DNAAF9: variants seen among roughly 807,000 people sequenced by gnomAD.
DNAAF9 encodes shulin.
A neutral mutation model predicts 167.0 loss-of-function variants in DNAAF9; 90 were observed. The ratio of observed to expected loss-of-function variants is 0.54; its 90% CI spans 0.45 to 0.64. The LOEUF (loss-of-function observed/expected upper bound fraction) is 0.64. Among genes scored for constraint, DNAAF9 ranks in the 30% least tolerant of loss-of-function variants. The pLI, the probability that DNAAF9 is intolerant of heterozygous loss-of-function variation, is 0.00. For missense variants in DNAAF9, 1,315 were observed against 1,442.2 expected (o/e 0.91, Z 1.43); for synonymous variants, 491 against 508.8 (o/e 0.96, Z 0.47).
chr20:3,299,971 C>T (rs1374311965), intron 21 of DNAAF9, among the ~76,000 whole-genome samples: 3 of 152,262 alleles, frequency 2.0e-5, no homozygotes, highest in South Asian at 2.1e-4. Context: ...AGCACAATCT[C>T]GGCTCACTGC....
intron 20 of DNAAF9, 143 bp from the exon 21 acceptor site, chr20:3,304,686 C>A: frequency 1.7e-6 from 1 of 594,072 alleles, no homozygotes; most frequent in Admixed American, 3.4e-5. Flanking sequence ...GAGCCCTGTG[C>A]TCTGAGGAAG....
intron 22 of DNAAF9, among the ~76,000 whole-genome samples, chr20:3,297,316 C>G (rs185275184): frequency 6.6e-6 from 1 of 152,058 alleles, no homozygotes; most frequent in Non-Finnish European, 1.5e-5. Flanking sequence ...CCTAAAGAGC[C>G]GTCTTTATTT....
rs397865293 is a variant in DNAAF9, at chr20:3,298,907, C to CTTTT, written c.1783-736_1783-733dup. Among the ~76,000 whole-genome samples, 70 of 119,546 alleles carry CTTTT rather than the reference C, an allele frequency of 5.9e-4. 1 individual carries two copies. The highest frequency in any genetic ancestry group is 1.7e-3 in the East Asian group (7 of 4,170). 78.4% of individuals were successfully genotyped at this position (119,546 alleles called of 152,430 possible). A position where few individuals can be genotyped will look rare whatever the true frequency, so the allele number is the denominator to read the frequency against. ...TTCAAAGAGTTTTATTGTTTTAGCTCTTTTTTTTTTTTTTTTTTTGAGATG... is the reference window on the plus strand; with the variant it reads ...TTCAAAGAGTTTTATTGTTTTAGCTCTTTTTTTTTTTTTTTTTTTTTTTGAGATG... On this transcript the variant is annotated intron_variant, in intron 21 of 36. Transcript: ENST00000252032.
chr20:3,256,272 A>G, intron 33 of DNAAF9, 61 bp from the exon 34 acceptor site: 5 of 1,169,242 alleles, frequency 4.3e-6, no homozygotes, highest in Non-Finnish European at 5.1e-6. Flanking sequence ...AGCTATGCTA[A>G]GACTGTGACA....
At chr20:3,347,637 T>G (rs1214118506) in intron 8 of DNAAF9, among the ~76,000 whole-genome samples, 1 of 152,096 alleles carries the variant, frequency 6.6e-6, no homozygotes, top group Non-Finnish European at 1.5e-5. Context: ...TTATAAAATA[T>G]GTAAAGGTAG....
chr20:3,252,184 C>T lies in DNAAF9; in HGVS notation c.*388G>A, dbSNP rs144908176. On this transcript the variant is annotated 3_prime_UTR_variant, in exon 37 of 37. Coordinates refer to ENST00000252032, the MANE Select transcript of DNAAF9 (RefSeq NM_001009984.3). ...CTGTCGTGGCCTCGCCTCCCAGACACGGCCACAGTTCAGGCAGCCAGGGTT... is the reference window on the plus strand; with the variant it reads ...CTGTCGTGGCCTCGCCTCCCAGACATGGCCACAGTTCAGGCAGCCAGGGTT... The T allele has an allele frequency of 2.3e-3, 361 of 159,100 alleles. 1 individual carries two copies. The highest frequency in any genetic ancestry group is 3.9e-3 in the Non-Finnish European group (280 of 72,524). 9.9% of individuals were successfully genotyped at this position (159,100 alleles called of 1,614,324 possible). A position where few individuals can be genotyped will look rare whatever the true frequency, so the allele number is the denominator to read the frequency against.
chr20:3,340,390 G>T (rs1468507023), intron 10 of DNAAF9, 114 bp downstream of exon 10: 18 of 850,438 alleles, frequency 2.1e-5, no homozygotes, highest in Non-Finnish European at 3.2e-5. Context: ...CAAATTCAGG[G>T]TTAAATCAAC....
At chr20:3,347,064 A>G (rs1319084112) in intron 8 of DNAAF9, among the ~76,000 whole-genome samples, 6 of 152,128 alleles carry the variant, frequency 3.9e-5, no homozygotes, top group Non-Finnish European at 7.3e-5. Flanking sequence ...AGCAAGACAT[A>G]CCATAATCAA....
intron 10 of DNAAF9, among the ~76,000 whole-genome samples, chr20:3,334,075 T>C (rs2069891651): frequency 6.6e-6 from 1 of 152,166 alleles, no homozygotes. Flanking sequence ...GGTGTAAAGG[T>C]ACCTATCCTT....
At chr20:3,268,475 T>G (rs2068527997) in intron 30 of DNAAF9, among the ~76,000 whole-genome samples, 1 of 152,074 alleles carries the variant, frequency 6.6e-6, no homozygotes, top group African/African-American at 2.4e-5. Flanking sequence ...ATTATAGGCA[T>G]GCGCCACCAT....
chr20:3,329,715 T>A (rs1327201253), intron 12 of DNAAF9, among the ~76,000 whole-genome samples: 1 of 152,204 alleles, frequency 6.6e-6, no homozygotes, highest in Non-Finnish European at 1.5e-5. Flanking sequence ...CAGGGAAGTG[T>A]TGATCTAGAC....
intron 3 of DNAAF9, among the ~76,000 whole-genome samples, chr20:3,377,615 G>A (rs111678674): frequency 6.6e-6 from 1 of 152,028 alleles, no homozygotes; most frequent in South Asian, 2.1e-4. Context: ...GCGCCACCAT[G>A]CCTGGCTAAT....
At chr20:3,253,394 T>C (rs1243962521) in intron 36 of DNAAF9, among the ~76,000 whole-genome samples, 27 of 152,098 alleles carry the variant, frequency 1.8e-4, no homozygotes, top group Admixed American at 1.8e-3. Context: ...TGAGCTGAGA[T>C]TGCGCCATTG....
intron 28 of DNAAF9, among the ~76,000 whole-genome samples, chr20:3,279,739 G>A (rs2068734781): frequency 6.6e-6 from 1 of 152,200 alleles, no homozygotes; most frequent in Admixed American, 6.5e-5. Context: ...ATGGGTTTAG[G>A]ACGGCTAAAC....
At chr20:3,398,299 T>TA (rs2083938660) in intron 1 of DNAAF9, among the ~76,000 whole-genome samples, 1 of 152,184 alleles carries the variant, frequency 6.6e-6, no homozygotes, top group African/African-American at 2.4e-5. Flanking sequence ...CTCCAGTCCC[T>TA]AAGGCACTAG....
At chr20:3,377,168 G>C (rs2083587178) in intron 3 of DNAAF9, among the ~76,000 whole-genome samples, 1 of 152,172 alleles carries the variant, frequency 6.6e-6, no homozygotes, top group East Asian at 1.9e-4. Flanking sequence ...TGCAAGTAAA[G>C]CCTCCAGGTA....
intron 29 of DNAAF9, among the ~76,000 whole-genome samples, chr20:3,274,897 G>GTAGCTAAACTT (rs2068652968): frequency 6.6e-6 from 1 of 152,206 alleles, no homozygotes; most frequent in East Asian, 1.9e-4. Context: ...TAGATGGGGG[G>GTAGCTAAACTT]CAAGGAATAG....
At chr20:3,392,928 G>T (rs1307061028) in intron 1 of DNAAF9, among the ~76,000 whole-genome samples, 1 of 152,170 alleles carries the variant, frequency 6.6e-6, no homozygotes, top group Non-Finnish European at 1.5e-5. Context: ...AAACTGACGT[G>T]AACAATTTGG....
chr20:3,336,674 C>T (rs1029336450), intron 10 of DNAAF9, among the ~76,000 whole-genome samples: 15 of 152,120 alleles, frequency 9.9e-5, no homozygotes, highest in South Asian at 2.1e-4. Context: ...CTCAGCCTCC[C>T]GAGCAGCTGG....
Sources: allele counts gnomAD v4.1 joint callset (sites outside exome capture counted in the v4.1 genomes callset), GRCh38; gene constraint gnomAD v4.1.1; transcripts MANE v1.5; gene names NCBI Gene and HGNC (gene_info 2026-07-23, HGNC 2026-07-21).